GALNT7: variants seen among roughly 807,000 people sequenced by gnomAD.
GALNT7 encodes polypeptide N-acetylgalactosaminyltransferase 7, also known as N-acetylgalactosaminyltransferase 7.
Under a neutral mutation model 82.1 loss-of-function variants are expected in GALNT7, and 60 were observed. The ratio of observed to expected loss-of-function variants is 0.73; its 90% CI spans 0.59 to 0.91. The LOEUF (loss-of-function observed/expected upper bound fraction) is 0.91. Among genes scored for constraint, GALNT7 ranks in the 40% least tolerant of loss-of-function variants. The probability of loss-of-function intolerance (pLI) is 0.00; values close to 1 mark genes in which losing one functional copy is unlikely to be tolerated. For missense variants in GALNT7, 660 were observed against 804.2 expected, an observed-to-expected ratio of 0.82 and a Z score of 2.17; for synonymous variants, 243 against 275.1, an observed-to-expected ratio of 0.88 and a Z score of 1.15.
chr4:173,207,706 C>T (rs1733143801), intron 1 of GALNT7, among the ~76,000 whole-genome samples: 1 of 152,148 alleles, frequency 6.6e-6, no homozygotes, highest in African/African-American at 2.4e-5. Context: ...CTAAGTTGCT[C>T]TCCCTACTGA....
chr4:173,208,044 T>A (rs774936780), intron 1 of GALNT7, among the ~76,000 whole-genome samples: 13 of 152,192 alleles, frequency 8.5e-5, no homozygotes, highest in Non-Finnish European at 1.5e-4. Flanking sequence ...CATTGATGTG[T>A]TTATGTGTTC....
chr4:173,185,381 T>TA (rs1469962157), intron 1 of GALNT7, among the ~76,000 whole-genome samples: 1 of 148,894 alleles, frequency 6.7e-6, no homozygotes, highest in African/African-American at 2.5e-5. Context: ...ATGCTTAACT[T>TA]ACTACTGGGA....
intron 1 of GALNT7, among the ~76,000 whole-genome samples, chr4:173,197,716 C>T (rs573911452): frequency 1.3e-5 from 2 of 152,312 alleles, no homozygotes; most frequent in Admixed American, 1.3e-4. Context: ...CACTCAGGGT[C>T]ATCCCATAGG....
intron 1 of GALNT7, among the ~76,000 whole-genome samples, chr4:173,180,175 A>T (rs557141502): frequency 6.6e-6 from 1 of 152,298 alleles, no homozygotes; most frequent in South Asian, 2.1e-4. Context: ...TAAACATTTT[A>T]AAAATGACAG....
At chr4:173,214,728 A>C (rs1414110673) in intron 1 of GALNT7, among the ~76,000 whole-genome samples, 2 of 152,132 alleles carry the variant, frequency 1.3e-5, no homozygotes, top group African/African-American at 4.8e-5. Flanking sequence ...CAGAGAGTTT[A>C]TAGAATGCCT....
chr4:173,258,139 T>C (rs886730664), intron 2 of GALNT7, among the ~76,000 whole-genome samples: 1 of 152,348 alleles, frequency 6.6e-6, no homozygotes, highest in East Asian at 1.9e-4. Context: ...GGTATTCTTA[T>C]TTAAATCAAA....
Position 173,283,828 on chromosome 4 carries a change from A to G in GALNT7, c.588-8280A>G, listed in dbSNP as rs189192790. Among the ~76,000 whole-genome samples, 29 of 152,256 alleles carry G rather than the reference A, an allele frequency of 1.9e-4. No homozygotes were observed. In the East Asian group the frequency reaches 5.2e-3, roughly 27 times the overall value. On this transcript the variant is annotated intron_variant, in intron 2 of 11. Transcript: ENST00000265000. ...CTTGGTAAAACAACGAGTTTTTCCA[A>G]TTGTGTTTTGTTGCAAAATAAAGTA...
chr4:173,295,832 A>G lies in GALNT7; in HGVS notation c.954A>G (p.Ile318Met). Residue 318 changes from isoleucine to methionine, a missense_variant, in exon 5 of 12, where the codon ATA becomes ATG. Around this residue, in one of 2 missense-constraint regions of GALNT7, gnomAD observed 527 missense variants for 683.5 expected, o/e 0.77. Transcript: ENST00000265000. ...GGTATGCACCACTTGTAGCTCCCAT[A>G]TCTAAGGACAGGTAACATTACCTTG... Reference protein sequence around the residue: ...VNWYAPLVAPISKDRTICTVP... With the variant: ...VNWYAPLVAPMSKDRTICTVP... 2 of 1,586,608 alleles carry G rather than the reference A, an allele frequency of 1.3e-6. No homozygotes were observed. The highest frequency in any genetic ancestry group is 1.7e-4 in the Middle Eastern group (1 of 6,026).
At chr4:173,185,074 G>A (rs1033373552) in intron 1 of GALNT7, among the ~76,000 whole-genome samples, 1 of 152,148 alleles carries the variant, frequency 6.6e-6, no homozygotes, top group African/African-American at 2.4e-5. Context: ...ACATGTGTAC[G>A]TTAAAAAATA....
intron 7 of GALNT7, among the ~76,000 whole-genome samples, chr4:173,303,208 G>A (rs1037912151): frequency 2.0e-5 from 3 of 149,366 alleles, no homozygotes; most frequent in African/African-American, 7.4e-5. Flanking sequence ...AAAAAAAAAA[G>A]AAAGAGCGAG....
chr4:173,315,682 C>G (rs1292710666), intron 9 of GALNT7, among the ~76,000 whole-genome samples: 1 of 151,926 alleles, frequency 6.6e-6, no homozygotes, highest in African/African-American at 2.4e-5. Context: ...TTTACCTGTC[C>G]TATTACAGCA....
intron 1 of GALNT7, among the ~76,000 whole-genome samples, chr4:173,184,281 C>T (rs1218135246): frequency 6.6e-6 from 1 of 152,068 alleles, no homozygotes; most frequent in Non-Finnish European, 1.5e-5. Context: ...GAGCCGAGAT[C>T]ACGCCACTGC....
chr4:173,282,868 G>A (rs1736163871), intron 2 of GALNT7, among the ~76,000 whole-genome samples: 2 of 152,222 alleles, frequency 1.3e-5, no homozygotes, highest in Non-Finnish European at 2.9e-5. Context: ...ATGGGGCTTG[G>A]CTTTGGTTAG....
At chr4:173,255,782 G>T (rs1735015172) in intron 2 of GALNT7, among the ~76,000 whole-genome samples, 1 of 152,194 alleles carries the variant, frequency 6.6e-6, no homozygotes, top group African/African-American at 2.4e-5. Context: ...CCGAAAGACA[G>T]CCTGTGCCAA....
chr4:173,192,988 T>A (rs1732670023), intron 1 of GALNT7, among the ~76,000 whole-genome samples: 1 of 152,236 alleles, frequency 6.6e-6, no homozygotes, highest in East Asian at 1.9e-4. Flanking sequence ...TCCTTATGCA[T>A]CAGTCACATA....
At chr4:173,185,791 C>A (rs1732444709) in intron 1 of GALNT7, among the ~76,000 whole-genome samples, 1 of 151,940 alleles carries the variant, frequency 6.6e-6, no homozygotes. Context: ...GTGTGCTAGT[C>A]AAGAAAGAGA....
At chr4:173,200,665 G>T (rs1247292968) in intron 1 of GALNT7, among the ~76,000 whole-genome samples, 1 of 152,176 alleles carries the variant, frequency 6.6e-6, no homozygotes, top group South Asian at 2.1e-4. Flanking sequence ...AGTGTTTAGG[G>T]TCTGCTAAGG....
chr4:173,184,423 C>A (rs1437391444), intron 1 of GALNT7, among the ~76,000 whole-genome samples: 1 of 152,012 alleles, frequency 6.6e-6, no homozygotes, highest in Admixed American at 6.6e-5. Context: ...ACGGCGAAAC[C>A]CCGTCTCCAC....
At chr4:173,278,859 G>A (rs1736008378) in intron 2 of GALNT7, among the ~76,000 whole-genome samples, 1 of 152,064 alleles carries the variant, frequency 6.6e-6, no homozygotes, top group Admixed American at 6.5e-5. Flanking sequence ...TTCCAGAGAG[G>A]GATAATGAGG....
Sources: gnomAD v4.1 joint callset for allele counts (sites outside exome capture counted in the v4.1 genomes callset) on GRCh38, gnomAD v4.1.1 for gene constraint, gnomAD v4.1.1 regional missense constraint, MANE v1.5 for transcripts, NCBI Gene and HGNC (gene_info 2026-07-23, HGNC 2026-07-21) for gene names.